The following IL17RC variants were observed in gnomAD, a reference collection of about 807,000 sequenced individuals.
IL17RC encodes the protein interleukin 17 receptor C.
IL17RC carries 53 observed loss-of-function variants against 86.7 expected under a neutral mutation model. The observed-to-expected ratio is 0.61, with a 90% CI of 0.49 to 0.77. IL17RC has a LOEUF of 0.77. IL17RC is among the 30% of genes least tolerant of loss of function. IL17RC has a pLI of 0.00. For missense variants in IL17RC, 957 were observed against 940.0 expected, an observed-to-expected ratio of 1.02 and a Z score of -0.24; for synonymous variants, 439 against 413.1, an observed-to-expected ratio of 1.06 and a Z score of -0.76.
At chr3:9,920,672 C>T in intron 6 of IL17RC, 70 bp downstream of exon 6, 1 of 1,055,110 alleles carries the variant, frequency 9.5e-7, no homozygotes, top group Middle Eastern at 2.0e-4. Flanking sequence ...CTGATTTCAC[C>T]CTCTTCTAGC....
At chr3:9,929,933 C>T (rs1326142356) in intron 13 of IL17RC, 36 bp downstream of exon 13, 6 of 1,613,786 alleles carry the variant, frequency 3.7e-6, no homozygotes, top group Non-Finnish European at 5.1e-6. Flanking sequence ...GGCAGGGCCA[C>T]CTCCTAGGGG....
intron 16 of IL17RC, 133 bp from the exon 17 acceptor site, chr3:9,932,475 C>T (rs2084830459): frequency 1.2e-6 from 1 of 828,608 alleles, no homozygotes; most frequent in Non-Finnish European, 2.1e-6. Flanking sequence ...ATCTGCCCGC[C>T]TCGGCCTCCC....
Position 9,918,357 on chromosome 3 carries a change from T to A in IL17RC, c.303T>A (p.Asp101Glu). 6.2e-7 allele frequency: 1 copy of A among 1,601,246 alleles called. No individual in the cohort carries two copies. Among genetic ancestry groups the A allele is most frequent in the Non-Finnish European group, 8.5e-7 (1 of 1,173,832 alleles). ...TAGGGCACTGGGAAGAGCCTGAAGA[T>A]GAGGAAAAGTTTGGAGGAGCAGCTG... ...AVHGHWEEPE[D>E]EEKFGGAADS... The change falls in exon 4 of 19, where the codon GAT becomes GAA. Residue 101 changes from aspartate (D) to glutamate (E), a missense_variant. Physicochemically the swap from Asp to Glu is conservative, Grantham distance 45. Transcript: ENST00000403601.
In IL17RC at chr3:9,933,265, C is replaced by T; in HGVS notation, c.1835C>T (p.Ser612Leu). 2 of 1,603,480 alleles carry T rather than the reference C, an allele frequency of 1.2e-6. No individual in the cohort carries two copies. The highest frequency in any genetic ancestry group is 1.7e-6 in the Non-Finnish European group (2 of 1,175,338). ...GGCCCGCACGACGCCTTCCGCGCCT[C>T]GCTCAGCTGCGTGCTGCCCGACTTC... ...AHGPHDAFRASLSCVLPDFLQ... is the reference protein window; with the variant it reads ...AHGPHDAFRALLSCVLPDFLQ... The change falls in exon 19 of 19, where the codon TCG becomes TTG. Residue 612 changes from serine (S) to leucine (L), a missense_variant. By Grantham distance (145) the Ser-to-Leu change is moderately radical (BLOSUM62 -2). Coordinates refer to ENST00000403601, the MANE Select transcript of IL17RC (RefSeq NM_153460.4).
In IL17RC at chr3:9,928,440, G is replaced by A. The variant is rs1278481023; in HGVS notation, c.1013G>A (p.Cys338Tyr). Residue 338 changes from cysteine (C) to tyrosine (Y), a missense_variant, in exon 11 of 19, where the codon TGC becomes TAC. Transcript: ENST00000403601. ...TGGCGGGCTCCGGGTGGGGACCCCT[G>A]CCAGCCACTGGTCCCACCGCTTTCC... ...LCWRAPGGDPCQPLVPPLSWE... is the reference protein window; with the variant it reads ...LCWRAPGGDPYQPLVPPLSWE... 3 of 1,607,610 alleles carry A rather than the reference G, an allele frequency of 1.9e-6. No homozygotes were observed. The highest frequency in any genetic ancestry group is 2.5e-6 in the Non-Finnish European group (3 of 1,179,190).
In IL17RC at chr3:9,930,204, G is replaced by C. The variant is rs1055743471; in HGVS notation, c.1278+55G>C. 14 of 1,604,506 alleles carry C rather than the reference G, an allele frequency of 8.7e-6. 1 individual carries two copies. The South Asian group carries it at 1.5e-4, about 18-fold the overall frequency. On this transcript the variant is annotated intron_variant, in intron 14 of 18. Transcript: ENST00000403601. This position sits in a 1 kb window ranked among gnomAD's most constrained non-coding sequence, Gnocchi z 5.8. Reference sequence around the variant, plus strand: ...TCTCTCCAAATGCATCTCACATCTGGCCTCAAATTTTCACTCCATCCACCC... The same window carrying C: ...TCTCTCCAAATGCATCTCACATCTGCCCTCAAATTTTCACTCCATCCACCC...
In IL17RC at chr3:9,921,324, G is replaced by A. The variant is rs1217622815; in HGVS notation, c.622+355G>A. Among the ~76,000 whole-genome samples the A allele has an allele frequency of 2.0e-5, 3 of 152,154 alleles. 1 individual carries two copies. The highest frequency in any genetic ancestry group is 1.3e-4 in the Admixed American group (2 of 15,288). The stretch of plus-strand genomic sequence containing the variant: ...ACAAAAATTAACAGGACATGGTGGT[G>A]TGCATTTGTGGTCCCAGCTACTCAG... On this transcript the variant is annotated intron_variant, in intron 7 of 18. Coordinates refer to ENST00000403601, the MANE Select transcript of IL17RC (RefSeq NM_153460.4).
In IL17RC at chr3:9,930,646, C is replaced by A; in HGVS notation, c.1338+187C>A. 1 of 685,434 alleles carries A rather than the reference C, an allele frequency of 1.5e-6. No individual in the cohort carries two copies. The allele number at this position is 685,434 out of a possible 1,614,324, so 42.5% of individuals were successfully genotyped here. ...GACACCCATAAACAGATAACCACAC[C>A]TACAGGTGCTAAGTTTTGGGTTCCA... On this transcript the variant is annotated intron_variant, in intron 15 of 18. Transcript: ENST00000403601. This position sits in a 1 kb window ranked among gnomAD's most constrained non-coding sequence, Gnocchi z 5.8.
intron 5 of IL17RC, chr3:9,919,150 A>C (rs954828769): frequency 6.6e-6 from 1 of 152,172 alleles, no homozygotes; most frequent in East Asian, 1.9e-4. Flanking sequence ...TGGTGCCAAA[A>C]CAAGCATAAG....
intron 9 of IL17RC, among the ~76,000 whole-genome samples, chr3:9,926,880 A>G (rs2084132829): frequency 6.6e-6 from 1 of 152,164 alleles, no homozygotes; most frequent in South Asian, 2.1e-4. Flanking sequence ...TTGGCCTCCC[A>G]AAGTGCTGGG....
chr3:9,931,460 CACACACACACATATATATATAT>C (rs987802951), intron 16 of IL17RC, among the ~76,000 whole-genome samples: 2 of 10,526 alleles, frequency 1.9e-4, no homozygotes, highest in Non-Finnish European at 1.5e-3. Flanking sequence ...ATTTCACACA[CACACACACACATATATATATAT>C]ATATATATAT....
Position 9,920,553 on chromosome 3 carries a change from T to A in IL17RC, c.528T>A (p.Tyr176Ter). 6.2e-7 allele frequency: 1 copy of A among 1,608,844 alleles called. No individual in the cohort carries two copies. The highest frequency in any genetic ancestry group is 8.5e-7 in the Non-Finnish European group (1 of 1,177,162). Residue 176 changes from tyrosine to a stop codon, truncating the protein, a stop_gained, in exon 6 of 19, where the codon TAT becomes TAA. Transcript: ENST00000403601. LOFTEE classifies it high-confidence loss of function. Reference sequence around the variant, plus strand: ...GGAGTGAGGTACGAATCTGGTCCTATACTCAGCCCAGGTACGAGAAGGAAC... The same window carrying A: ...GGAGTGAGGTACGAATCTGGTCCTAAACTCAGCCCAGGTACGAGAAGGAAC... ...ALGSEVRIWS[Y>*]TQPRYEKELN...
chr3:9,924,828 G>T (rs1203907174), intron 9 of IL17RC, among the ~76,000 whole-genome samples: 1 of 152,084 alleles, frequency 6.6e-6, no homozygotes, highest in Non-Finnish European at 1.5e-5. Flanking sequence ...TTTAGACAAG[G>T]TCTCACTCTG....
chr3:9,929,180 G>C (rs533387110), intron 12 of IL17RC: 73 of 155,334 alleles, frequency 4.7e-4, no homozygotes, highest in Non-Finnish European at 8.3e-4. Context: ...CGGTCGTGGT[G>C]GTGGGCACCT....
At chr3:9,928,243 G>A in intron 10 of IL17RC, 23 bp downstream of exon 10, 1 of 1,574,770 alleles carries the variant, frequency 6.4e-7, no homozygotes, top group East Asian at 2.5e-5. Flanking sequence ...GCCTGGGGCT[G>A]GGGTTGGGGT....
chr3:9,918,238 T>C, intron 3 of IL17RC, 97 bp from the exon 4 acceptor site: 1 of 1,345,442 alleles, frequency 7.4e-7, no homozygotes, highest in Non-Finnish European at 1.0e-6. Context: ...CAGCCCCTGC[T>C]TCCCAGCACT....
chr3:9,923,193 A>G (rs1260653577), intron 7 of IL17RC, among the ~76,000 whole-genome samples: 1 of 148,092 alleles, frequency 6.8e-6, no homozygotes, highest in African/African-American at 2.5e-5. Flanking sequence ...AAAAAAAGGA[A>G]AAAAAAAAGA....
chr3:9,927,942 C>G (rs1575581048), intron 9 of IL17RC, among the ~76,000 whole-genome samples: 3 of 150,748 alleles, frequency 2.0e-5, no homozygotes, highest in Admixed American at 2.0e-4. Context: ...GAGCGAGACT[C>G]TATCTCAAAA....
At chr3:9,928,546 T>C in intron 11 of IL17RC, 34 bp from the exon 12 acceptor site, 1 of 1,613,596 alleles carries the variant, frequency 6.2e-7, no homozygotes, top group African/African-American at 1.3e-5. Context: ...GGGGGTCCCC[T>C]TTTGTGATCC....
Sources: allele counts gnomAD v4.1 joint callset (sites outside exome capture counted in the v4.1 genomes callset), GRCh38; gene constraint gnomAD v4.1.1; non-coding constraint Gnocchi (gnomAD v3.1); transcripts MANE v1.5; gene names NCBI Gene and HGNC (gene_info 2026-07-23, HGNC 2026-07-21).